Variants in SLC24A2 observed in about 807,000 individuals in gnomAD.
The protein encoded by SLC24A2 is solute carrier family 24 member 2.
SLC24A2 carries 36 observed loss-of-function variants against 62.0 expected under a neutral mutation model. The observed-to-expected ratio is 0.58, with a 90% CI of 0.44 to 0.77. The LOEUF is 0.77. SLC24A2 is among the 30% of genes least tolerant of loss of function. The pLI is 0.00. For missense variants in SLC24A2, 846 were observed against 817.9 expected (o/e 1.03, Z -0.42); for synonymous variants, 358 against 294.0 (o/e 1.22, Z -2.23).
the SLC24A2 span, among the ~76,000 whole-genome samples, chr9:19,974,457 T>C: frequency 6.6e-6 from 1 of 152,216 alleles, no homozygotes; most frequent in African/African-American, 2.4e-5. Context: ...CAAGTGCTTA[T>C]GTACTCTTTA....
the SLC24A2 span, among the ~76,000 whole-genome samples, chr9:19,888,313 TTCC>T: frequency 6.6e-6 from 1 of 152,182 alleles, no homozygotes; most frequent in African/African-American, 2.4e-5. Context: ...TCTCATAACT[TTCC>T]TTTCATTCCA....
At chr9:19,850,471 G>A in the SLC24A2 span, among the ~76,000 whole-genome samples, 19 of 151,884 alleles carry the variant, frequency 1.3e-4, no homozygotes, top group African/African-American at 3.9e-4. Flanking sequence ...GCTTTATTGA[G>A]GTATAATTTA....
intron 10 of SLC24A2, among the ~76,000 whole-genome samples, chr9:19,519,349 TTGTGTGTG>T (rs10640008): frequency 6.8e-6 from 1 of 147,582 alleles, no homozygotes; most frequent in South Asian, 2.2e-4. Context: ...TTAAACTTCC[TTGTGTGTG>T]TGTGTGTGTG....
the SLC24A2 span, among the ~76,000 whole-genome samples, chr9:20,258,763 T>TC: frequency 6.9e-6 from 1 of 145,654 alleles, no homozygotes; most frequent in Admixed American, 7.1e-5. Context: ...TCTCCTCTCA[T>TC]TTATCTATCT....
At chr9:20,097,984 C>T in the SLC24A2 span, among the ~76,000 whole-genome samples, 1 of 151,592 alleles carries the variant, frequency 6.6e-6, no homozygotes, top group Non-Finnish European at 1.5e-5. Flanking sequence ...CCTCGTGATT[C>T]GCCCGCCTCG....
the SLC24A2 span, among the ~76,000 whole-genome samples, chr9:20,135,311 TAATTTTTAATTA>T: frequency 4.3e-5 from 6 of 138,784 alleles, no homozygotes; most frequent in African/African-American, 1.4e-4. Context: ...TTTAAAATTT[TAATTTTTAATTA>T]CAATTTAAAA....
At chr9:19,965,320 T>C in the SLC24A2 span, among the ~76,000 whole-genome samples, 1 of 152,268 alleles carries the variant, frequency 6.6e-6, no homozygotes, top group East Asian at 1.9e-4. Context: ...CCCGGCTGTG[T>C]CCCTTTTAGT....
rs115860931 is a variant in SLC24A2, at chr9:19,560,195, G to A, written c.1348-9927C>T. Among the ~76,000 whole-genome samples, 1,386 of 152,200 alleles carry A rather than the reference G, an allele frequency of 9.1e-3. 21 individuals are homozygous for A. Among genetic ancestry groups the A allele is most frequent in the African/African-American group, 0.031 (1,277 of 41,536 alleles). On this transcript the variant is annotated intron_variant, in intron 7 of 10. Transcript: ENST00000341998. ...GGGAGAGTCTGGAAGAAGAAAAACCGTTAGACCATATGATAGAAACCAGAG... is the reference window on the plus strand; with the variant it reads ...GGGAGAGTCTGGAAGAAGAAAAACCATTAGACCATATGATAGAAACCAGAG...
At chr9:19,890,096 A>G in the SLC24A2 span, among the ~76,000 whole-genome samples, 1 of 152,140 alleles carries the variant, frequency 6.6e-6, no homozygotes, top group African/African-American at 2.4e-5. Context: ...TAAGTTGCAC[A>G]CCCGTCTCTT....
At chr9:19,568,115 C>T (rs554644888) in intron 7 of SLC24A2, among the ~76,000 whole-genome samples, 2 of 152,238 alleles carry the variant, frequency 1.3e-5, no homozygotes, top group South Asian at 4.2e-4. Flanking sequence ...ACGGAACTTG[C>T]TAAAAATACA....
the SLC24A2 span, among the ~76,000 whole-genome samples, chr9:19,848,472 A>G: frequency 6.6e-6 from 1 of 152,202 alleles, no homozygotes; most frequent in Non-Finnish European, 1.5e-5. Context: ...AATGACACAT[A>G]TAGCAGTGTA....
the SLC24A2 span, among the ~76,000 whole-genome samples, chr9:19,829,682 G>C: frequency 6.6e-6 from 1 of 151,378 alleles, no homozygotes; most frequent in Non-Finnish European, 1.5e-5. Context: ...AGTGAGCTAT[G>C]TTTGTACCAC....
the SLC24A2 span, among the ~76,000 whole-genome samples, chr9:20,059,666 T>A: frequency 2.0e-5 from 3 of 152,092 alleles, no homozygotes; most frequent in Non-Finnish European, 2.9e-5. Flanking sequence ...GAGTTAAATT[T>A]ATAACAAGCT....
At chr9:20,159,052 C>G in the SLC24A2 span, among the ~76,000 whole-genome samples, 3 of 151,488 alleles carry the variant, frequency 2.0e-5, no homozygotes, top group Admixed American at 1.3e-4. Flanking sequence ...TCAATAGCAA[C>G]ATAAAACAAA....
chr9:20,120,689 G>A, the SLC24A2 span, among the ~76,000 whole-genome samples: 1 of 151,928 alleles, frequency 6.6e-6, no homozygotes, highest in African/African-American at 2.4e-5. Flanking sequence ...TCTACCCTCT[G>A]AACCTAAAAT....
chr9:20,129,273 T>C, the SLC24A2 span, among the ~76,000 whole-genome samples: 1 of 152,110 alleles, frequency 6.6e-6, no homozygotes, highest in Non-Finnish European at 1.5e-5. Context: ...ATGGCTATAA[T>C]TTTAAAAACA....
At chr9:20,096,922 T>A in the SLC24A2 span, among the ~76,000 whole-genome samples, 1 of 152,212 alleles carries the variant, frequency 6.6e-6, no homozygotes, top group Non-Finnish European at 1.5e-5. Flanking sequence ...TTCCCAAATC[T>A]ACACTTGGAA....
intron 7 of SLC24A2, among the ~76,000 whole-genome samples, chr9:19,555,745 G>C: frequency 6.6e-6 from 1 of 152,306 alleles, no homozygotes; most frequent in Non-Finnish European, 1.5e-5. Context: ...AGGAGTTTGA[G>C]ACCAGCTTGG....
At chr9:20,179,624 A>AAAGGG in the SLC24A2 span, among the ~76,000 whole-genome samples, 1 of 152,170 alleles carries the variant, frequency 6.6e-6, no homozygotes, top group Non-Finnish European at 1.5e-5. Context: ...AGGAAGAAGG[A>AAAGGG]AAGGGAAGGG....
Sources: allele counts gnomAD v4.1 joint callset (sites outside exome capture counted in the v4.1 genomes callset), GRCh38; gene constraint gnomAD v4.1.1; transcripts MANE v1.5; gene names NCBI Gene and HGNC (gene_info 2026-07-23, HGNC 2026-07-21).